Variants in CACNA1C observed in about 807,000 individuals in gnomAD.
The protein encoded by CACNA1C is calcium voltage-gated channel subunit alpha1 C, also known as voltage-dependent L-type calcium channel subunit alpha-1C.
CACNA1C carries 30 observed loss-of-function variants against 229.0 expected under a neutral mutation model. The ratio of observed to expected loss-of-function variants is 0.13; its 90% CI spans 0.10 to 0.18. CACNA1C has a LOEUF of 0.18. Ranked by LOEUF, CACNA1C falls within the 10% of genes least tolerant of loss-of-function variation. The pLI is 1.00. For synonymous variants in CACNA1C, 1,114 were observed against 1,132.5 expected, an observed-to-expected ratio of 0.98 and a Z score of 0.33; for missense variants, 1,658 against 2,845.0, an observed-to-expected ratio of 0.58 and a Z score of 9.49.
chr12:2,634,092 G>T (rs573661574), intron 29 of CACNA1C, among the ~76,000 whole-genome samples: 108 of 152,152 alleles, frequency 7.1e-4, no homozygotes, highest in African/African-American at 2.6e-3. Context: ...GGTTATCCAG[G>T]TTTGAGCTGC....
chr12:2,279,111 C>A (rs957030838), intron 3 of CACNA1C, among the ~76,000 whole-genome samples: 7 of 152,010 alleles, frequency 4.6e-5, no homozygotes, highest in African/African-American at 1.7e-4. Context: ...TATGAGGTTT[C>A]TTTATATATT....
At chr12:2,004,337 A>G (rs2042918409) in intron 1 of CACNA1C, 1 of 1,613,284 alleles carries the variant, frequency 6.2e-7, no homozygotes, top group Non-Finnish European at 8.5e-7. Flanking sequence ...GGCCACGTCC[A>G]CGATGCGGTT....
At chr12:2,437,475 T>C (rs988378470) in intron 3 of CACNA1C, among the ~76,000 whole-genome samples, 2 of 152,250 alleles carry the variant, frequency 1.3e-5, no homozygotes, top group African/African-American at 2.4e-5. Context: ...TACCACCTAC[T>C]AGCAGTAAGG....
chr12:2,032,190 G>A (rs1311870737), intron 1 of CACNA1C, among the ~76,000 whole-genome samples: 1 of 152,040 alleles, frequency 6.6e-6, no homozygotes, highest in African/African-American at 2.4e-5. Flanking sequence ...GAGTTCCTGT[G>A]GTCCCAAACA....
At chr12:2,428,561 G>A (rs538732908) in intron 3 of CACNA1C, among the ~76,000 whole-genome samples, 15 of 152,180 alleles carry the variant, frequency 9.9e-5, no homozygotes, top group Admixed American at 1.3e-4. Flanking sequence ...TCTCAAAGGC[G>A]GGGAGCTTTG....
Position 2,691,397 on chromosome 12 carries a change from G to C in CACNA1C, c.*198G>C. 2.0e-6 allele frequency: 1 copy of C among 506,656 alleles called. No individual in the cohort carries two copies. The highest frequency in any genetic ancestry group is 3.1e-6 in the Non-Finnish European group (1 of 320,896). The allele number at this position is 506,656 out of a possible 1,614,324, so 31.4% of individuals were successfully genotyped here. On this transcript the variant is annotated 3_prime_UTR_variant, in exon 47 of 47. Coordinates refer to ENST00000399655, the MANE Select transcript of CACNA1C (RefSeq NM_000719.7). Reference sequence around the variant, plus strand: ...GGCGCCCGGCTGCGTCTGCAGAGGCGGGGAGAGGAGGCGGCGAGGGTCCCG... The same window carrying C: ...GGCGCCCGGCTGCGTCTGCAGAGGCCGGGAGAGGAGGCGGCGAGGGTCCCG...
At chr12:2,620,338 C>T (rs192267967) in intron 29 of CACNA1C, among the ~76,000 whole-genome samples, 1 of 152,196 alleles carries the variant, frequency 6.6e-6, no homozygotes, top group Admixed American at 6.5e-5. Context: ...TTAGGTGACT[C>T]AAAAGCCACT....
At chr12:2,641,719 G>A in intron 30 of CACNA1C, 1 of 702,526 alleles carries the variant, frequency 1.4e-6, no homozygotes, top group Non-Finnish European at 2.6e-6. Flanking sequence ...TGAAGAGAAG[G>A]CGATGCTCAA....
At position 2,449,054 on chromosome 12, in the gene CACNA1C, C is replaced by T; in HGVS notation, c.556C>T (p.His186Tyr). Residue 186 changes from histidine (H) to tyrosine (Y), a missense_variant, in exon 4 of 47, where the codon CAC becomes TAC. By Grantham distance (83) the His-to-Tyr change is moderately conservative. Transcript: ENST00000399655. ...AGTAATCGCCTATGGACTCCTCTTT[C>T]ACCCCAATGCCTACCTCCGCAACGG... ...LKVIAYGLLF[H>Y]PNAYLRNGWN... 1.3e-6 allele frequency: 2 copies of T among 1,596,852 alleles called. No individual in the cohort carries two copies. The highest frequency in any genetic ancestry group is 1.7e-6 in the Non-Finnish European group (2 of 1,170,084).
intron 9 of CACNA1C, among the ~76,000 whole-genome samples, chr12:2,538,004 A>G (rs899950063): frequency 3.9e-5 from 6 of 152,018 alleles, no homozygotes; most frequent in Non-Finnish European, 1.5e-5. Flanking sequence ...ACCCGGCAGC[A>G]ATAACCAAGG....
At chr12:2,150,791 A>C (rs974826009) in intron 3 of CACNA1C, among the ~76,000 whole-genome samples, 13 of 152,320 alleles carry the variant, frequency 8.5e-5, no homozygotes, top group African/African-American at 3.1e-4. Context: ...GTAGAGATGG[A>C]GAAACTGTCT....
At chr12:2,462,976 G>A (rs891860995) in intron 5 of CACNA1C, among the ~76,000 whole-genome samples, 4 of 140,422 alleles carry the variant, frequency 2.8e-5, no homozygotes, top group Admixed American at 2.2e-4. Flanking sequence ...GCAGTGGTGT[G>A]ATCTCGGCTC....
chr12:2,182,784 G>T, intron 3 of CACNA1C, among the ~76,000 whole-genome samples: 1 of 152,128 alleles, frequency 6.6e-6, no homozygotes, highest in East Asian at 1.9e-4. Flanking sequence ...CTGTGATGAC[G>T]GCCATCCTGA....
At chr12:2,156,283 T>C (rs1208674450) in intron 3 of CACNA1C, among the ~76,000 whole-genome samples, 1 of 152,260 alleles carries the variant, frequency 6.6e-6, no homozygotes, top group East Asian at 1.9e-4. Context: ...ATATGTCATA[T>C]GTACCTTTTA....
intron 14 of CACNA1C, among the ~76,000 whole-genome samples, 195 bp downstream of exon 14, chr12:2,581,992 T>C (rs1258056380): frequency 2.0e-5 from 3 of 151,434 alleles, no homozygotes; most frequent in Admixed American, 1.3e-4. Context: ...ATTCCACTAG[T>C]GGGTGGACCA....
Position 2,482,587 on chromosome 12 carries a change from G to A in CACNA1C, c.758-3517G>A, listed in dbSNP as rs139700593. Among the ~76,000 whole-genome samples the A allele has an allele frequency of 1.4e-3, 213 of 152,344 alleles. 1 individual carries two copies. The highest frequency in any genetic ancestry group is 2.5e-3 in the Non-Finnish European group (170 of 68,030). ...TGCTGTCGCCCATGGCAAGTCTTCA[G>A]AACGCGCTCATCAAGTTGGAGGGCC... is the stretch of plus-strand genomic sequence containing the variant. On this transcript the variant is annotated intron_variant, in intron 5 of 46. Transcript: ENST00000399655.
In CACNA1C at chr12:2,651,478, A is replaced by G. The variant is rs552081950; in HGVS notation, c.3946-162A>G. 14 of 974,484 alleles carry G rather than the reference A, an allele frequency of 1.4e-5. No individual in the cohort carries two copies. The highest frequency in any genetic ancestry group is 2.1e-5 in the Non-Finnish European group (13 of 633,392). 60.4% of individuals were successfully genotyped at this position (974,484 alleles called of 1,614,324 possible). A position where few individuals can be genotyped will look rare whatever the true frequency, so the allele number is the denominator to read the frequency against. On this transcript the variant is annotated intron_variant, in intron 31 of 46. Coordinates refer to ENST00000399655, the MANE Select transcript of CACNA1C (RefSeq NM_000719.7). The surrounding 1 kb of genome is among the most constrained non-coding windows in gnomAD (Gnocchi z 5.4). ...ATGGGGCTGGGCTGTCCACTCATTA[A>G]AGTGGGCGGCCGCCCTCCCATCGGA...
chr12:2,113,281 C>T (rs1395136763), intron 1 of CACNA1C, among the ~76,000 whole-genome samples: 1 of 152,196 alleles, frequency 6.6e-6, no homozygotes, highest in East Asian at 1.9e-4. Flanking sequence ...AGGTCATGTG[C>T]TCTTCACAGG....
intron 3 of CACNA1C, among the ~76,000 whole-genome samples, chr12:2,436,602 G>A (rs754075111): frequency 6.6e-6 from 1 of 152,184 alleles, no homozygotes; most frequent in Admixed American, 6.5e-5. Context: ...AGGCAGAGCA[G>A]CATTTGTCTT....
Sources: allele counts gnomAD v4.1 joint callset (sites outside exome capture counted in the v4.1 genomes callset), GRCh38; gene constraint gnomAD v4.1.1; non-coding constraint Gnocchi (gnomAD v3.1); transcripts MANE v1.5; gene names NCBI Gene and HGNC (gene_info 2026-07-23, HGNC 2026-07-21).